Variants in ACSM1 observed in about 807,000 individuals in gnomAD.
The protein encoded by ACSM1 is acyl-coenzyme A synthetase ACSM1, mitochondrial.
Under a neutral mutation model 75.8 loss-of-function variants are expected in ACSM1, and 79 were observed. The ratio of observed to expected loss-of-function variants is 1.04; its 90% confidence interval spans 0.87 to 1.26. The LOEUF (loss-of-function observed/expected upper bound fraction) is 1.26, where lower values mean the gene tolerates loss of function less well. Ranked by LOEUF, ACSM1 falls within the 50% of genes most tolerant of loss-of-function variation. The probability of loss-of-function intolerance (pLI) is 0.00; values close to 1 mark genes in which losing one functional copy is unlikely to be tolerated. For synonymous variants in ACSM1, 279 were observed against 265.8 expected (o/e 1.05, Z -0.48); for missense variants, 676 against 720.1 (o/e 0.94, Z 0.70).
intron 3 of ACSM1, among the ~76,000 whole-genome samples, chr16:20,684,690 T>A (rs1241886505): frequency 6.6e-6 from 1 of 152,212 alleles, no homozygotes; most frequent in Non-Finnish European, 1.5e-5. Flanking sequence ...GTTTACCTGG[T>A]GTTCATAGGT....
At chr16:20,671,440 GACACACACACACACACACACAC>G in intron 5 of ACSM1, 69 bp downstream of exon 5, 2 of 969,866 alleles carry the variant, frequency 2.1e-6, no homozygotes, top group Non-Finnish European at 2.8e-6. Flanking sequence ...CCTTTCCCAA[GACACACACACACACACACACAC>G]ACACACACAC....
intron 1 of ACSM1, among the ~76,000 whole-genome samples, chr16:20,695,905 A>G (rs904905386): frequency 6.6e-6 from 1 of 152,242 alleles, no homozygotes; most frequent in African/African-American, 2.4e-5. Context: ...GTCTATAACA[A>G]TAACACATGT....
chr16:20,691,277 A>G (rs1468752963), intron 1 of ACSM1, 38 bp from the exon 2 acceptor site: 1 of 1,134,660 alleles, frequency 8.8e-7, no homozygotes, highest in Non-Finnish European at 1.2e-6. Context: ...CTGTGTATCC[A>G]AAACTTTCTC....
Position 20,636,687 on chromosome 16 carries a change from C to A in ACSM1, c.1299+52G>T, listed in dbSNP as rs2017727644. The A allele has an allele frequency of 2.2e-6, 3 of 1,336,424 alleles. No individual in the cohort carries two copies. In the African/African-American group the frequency reaches 4.3e-5, roughly 19 times the overall value. 82.8% of individuals were successfully genotyped at this position (1,336,424 alleles called of 1,614,324 possible). A position where few individuals can be genotyped will look rare whatever the true frequency, so the allele number is the denominator to read the frequency against. The stretch of plus-strand genomic sequence containing the variant: ...CTTGAAGAAGCCTCAGGATGCAGAG[C>A]TCCCTGTTGGGATCCTTGGGGCCAG... On this transcript the variant is annotated intron_variant, in intron 10 of 13. Coordinates refer to ENST00000520010, the MANE Select transcript of ACSM1 (RefSeq NM_001318890.3).
chr16:20,647,350 G>A (rs1305353960), intron 7 of ACSM1, among the ~76,000 whole-genome samples: 10 of 152,198 alleles, frequency 6.6e-5, no homozygotes, highest in Non-Finnish European at 8.8e-5. Context: ...CTAGAGTCAT[G>A]CATGCTTAAT....
intron 10 of ACSM1, among the ~76,000 whole-genome samples, chr16:20,635,044 C>T (rs1051551213): frequency 1.3e-5 from 2 of 151,892 alleles, no homozygotes; most frequent in African/African-American, 2.4e-5. Flanking sequence ...TTCATGGATA[C>T]GTAGGTGTGG....
chr16:20,623,922 T>G (rs1419547893), intron 13 of ACSM1, among the ~76,000 whole-genome samples, 174 bp downstream of exon 13: 3 of 152,164 alleles, frequency 2.0e-5, no homozygotes. Flanking sequence ...TGAGGAGATG[T>G]GGAGGGCAGG....
In ACSM1 at chr16:20,650,667, G is replaced by GA. The variant is rs111779003; in HGVS notation, c.993-10084dup. ...GCTACAGCTCAGTTCCTCCTCTTAA[G>GA]AAAAAAAAAAAAAGCAGGAAACAAA... On this transcript the variant is annotated intron_variant, in intron 7 of 13. Coordinates refer to ENST00000520010, the MANE Select transcript of ACSM1 (RefSeq NM_001318890.3). Among the ~76,000 whole-genome samples, 362 of 125,784 alleles carry GA rather than the reference G, an allele frequency of 2.9e-3. 1 individual carries two copies. Among genetic ancestry groups the GA allele is most frequent in the African/African-American group, 6.4e-3 (234 of 36,494 alleles). The allele number at this position is 125,784 out of a possible 152,430, so 82.5% of individuals were successfully genotyped here. A position where few individuals can be genotyped will look rare whatever the true frequency, so the allele number is the denominator to read the frequency against.
chr16:20,657,009 A>T (rs2019005887), intron 7 of ACSM1, among the ~76,000 whole-genome samples: 1 of 152,258 alleles, frequency 6.6e-6, no homozygotes, highest in Admixed American at 6.5e-5. Context: ...GCTTCCTATA[A>T]AATTAAAAAA....
chr16:20,685,146 T>C lies in ACSM1; in HGVS notation c.403+47A>G, dbSNP rs377404412. The C allele has an allele frequency of 3.7e-6, 6 of 1,603,288 alleles. No homozygotes were observed. In the African/African-American group the frequency reaches 8.0e-5, roughly 21 times the overall value. On this transcript the variant is annotated intron_variant, in intron 3 of 13. Transcript: ENST00000520010. Reference sequence around the variant, plus strand: ...CACCTAATATCTCAGGACCCATTGGTTCTAGAACAGCCCCGAGGTCCACCA... The same window carrying C: ...CACCTAATATCTCAGGACCCATTGGCTCTAGAACAGCCCCGAGGTCCACCA...
intron 3 of ACSM1, among the ~76,000 whole-genome samples, chr16:20,684,747 A>G (rs904856495): frequency 2.6e-5 from 4 of 151,762 alleles, no homozygotes; most frequent in Non-Finnish European, 4.4e-5. Flanking sequence ...TAAGAAAGGG[A>G]GAGAAAGAGA....
chr16:20,691,336 T>C, intron 1 of ACSM1, 97 bp from the exon 2 acceptor site: 2 of 616,670 alleles, frequency 3.2e-6, no homozygotes, highest in Non-Finnish European at 5.4e-6. Flanking sequence ...TATAGCTTTG[T>C]TTCAGGTCAC....
intron 1 of ACSM1, among the ~76,000 whole-genome samples, chr16:20,696,458 G>A (rs375163989): frequency 1.3e-5 from 2 of 152,314 alleles, no homozygotes; most frequent in South Asian, 2.1e-4. Context: ...AGTGATGAAA[G>A]TCAGAAAGAG....
intron 7 of ACSM1, among the ~76,000 whole-genome samples, chr16:20,652,787 G>A (rs1339896005): frequency 6.6e-6 from 1 of 152,124 alleles, no homozygotes; most frequent in Non-Finnish European, 1.5e-5. Flanking sequence ...AAAAGGCCCA[G>A]GACCAGATAG....
intron 7 of ACSM1, among the ~76,000 whole-genome samples, chr16:20,658,448 TG>T (rs200809462): frequency 0.014 from 2,163 of 151,084 alleles, 53 homozygotes; most frequent in African/African-American, 0.05. Flanking sequence ...CACTTTTTGA[TG>T]GGGTTGTTCT....
chr16:20,655,009 A>C (rs367839911), intron 7 of ACSM1, among the ~76,000 whole-genome samples: 1 of 152,070 alleles, frequency 6.6e-6, no homozygotes, highest in Admixed American at 6.6e-5. Context: ...AAATGTCCAA[A>C]AATGATAGAC....
At chr16:20,675,305 G>A (rs780894212) in intron 4 of ACSM1, among the ~76,000 whole-genome samples, 4 of 152,164 alleles carry the variant, frequency 2.6e-5, no homozygotes, top group Admixed American at 6.5e-5. Flanking sequence ...AGGCCAATGC[G>A]GGGAGTAATG....
In ACSM1 at chr16:20,640,438, ACTTT is replaced by A. The variant is rs1327220026; in HGVS notation, c.1116+19_1116+22del. The A allele has an allele frequency of 6.2e-7, 1 of 1,613,736 alleles. No individual in the cohort carries two copies. Among genetic ancestry groups the A allele is most frequent in the African/African-American group, 1.3e-5 (1 of 74,898 alleles). On this transcript the variant is annotated intron_variant, in intron 8 of 13. Transcript: ENST00000520010. ...AAATTAATTGAGACCTGTCTCAGAC[ACTTT>A]CTGGTTTGCACCACCTACCGTTTCC...
chr16:20,632,000 A>G (rs2017375180), intron 10 of ACSM1, among the ~76,000 whole-genome samples: 1 of 152,168 alleles, frequency 6.6e-6, no homozygotes, highest in African/African-American at 2.4e-5. Context: ...CTAAAATAAA[A>G]AAATTAAAAG....
Sources: allele counts gnomAD v4.1 joint callset (sites outside exome capture counted in the v4.1 genomes callset), GRCh38; gene constraint gnomAD v4.1.1; transcripts MANE v1.5; gene names NCBI Gene and HGNC (gene_info 2026-07-23, HGNC 2026-07-21).